AOPEP: variants seen among roughly 807,000 people sequenced by gnomAD.
AOPEP encodes the protein aminopeptidase O (putative).
In AOPEP, 77 loss-of-function variants were observed where a neutral mutation model predicts 98.1. The ratio of observed to expected loss-of-function variants is 0.78; its 90% CI spans 0.65 to 0.95. AOPEP has a LOEUF of 0.95. Among genes scored for constraint, AOPEP ranks in the 40% least tolerant of loss-of-function variants. AOPEP has a pLI of 0.00. For synonymous variants in AOPEP, 346 were observed against 365.3 expected (o/e 0.95, Z 0.60); for missense variants, 1,024 against 1,024.7 (o/e 1.00, Z 0.01).
intron 13 of AOPEP, among the ~76,000 whole-genome samples, chr9:95,013,949 C>G (rs566573497): frequency 1.3e-5 from 2 of 152,056 alleles, no homozygotes; most frequent in Admixed American, 1.3e-4. Context: ...GGTTACTTTT[C>G]CTGGTTGTCA....
At chr9:94,949,066 C>T (rs533404062) in intron 7 of AOPEP, among the ~76,000 whole-genome samples, 32 of 152,310 alleles carry the variant, frequency 2.1e-4, no homozygotes, top group African/African-American at 7.2e-4. Flanking sequence ...CTTGGCTCTC[C>T]GTTTTTCTCT....
rs553077859 is a variant in AOPEP, at chr9:95,043,758, G to A, written c.2116-16936G>A. 8.6e-4 allele frequency among the ~76,000 whole-genome samples: 131 copies of A among 152,148 alleles called. 2 individuals are homozygous for A. In the South Asian group the frequency reaches 0.024, roughly 28 times the overall value. On this transcript the variant is annotated intron_variant, in intron 13 of 16. Coordinates refer to ENST00000375315, the MANE Select transcript of AOPEP (RefSeq NM_001193329.3). ...GGGCACAGTGCAGCCTTAACCTTCC[G>A]GACTCAAGCAATCCTCCCACCTCAG...
chr9:94,791,984 G>A (rs1845831673), intron 3 of AOPEP, among the ~76,000 whole-genome samples: 1 of 152,248 alleles, frequency 6.6e-6, no homozygotes, highest in Non-Finnish European at 1.5e-5. Flanking sequence ...GGGGAGTATA[G>A]TGTTACAAAT....
chr9:95,136,589 T>G, the AOPEP span, among the ~76,000 whole-genome samples: 1 of 152,180 alleles, frequency 6.6e-6, no homozygotes, highest in African/African-American at 2.4e-5. Context: ...TAGGCTCATG[T>G]GATCCTCCTG....
chr9:94,763,127 G>A, intron 2 of AOPEP: 1 of 461,094 alleles, frequency 2.2e-6, no homozygotes, highest in Non-Finnish European at 4.5e-6. Flanking sequence ...CATTTTACAG[G>A]TAAGAAAATA....
Position 94,870,539 on chromosome 9 carries a change from A to T in AOPEP, c.1365-53447A>T, listed in dbSNP as rs76216131. 5.3e-3 allele frequency among the ~76,000 whole-genome samples: 810 copies of T among 152,256 alleles called. 5 individuals carry two copies. Among genetic ancestry groups the T allele is most frequent in the African/African-American group, 0.019 (784 of 41,540 alleles). ...TTCCCTCAAGGTCCCAGATTTGGTG[A>T]TGGGAAGGCTGGTATTTGAACCCAG... On this transcript the variant is annotated intron_variant, in intron 5 of 16. Coordinates refer to ENST00000375315, the MANE Select transcript of AOPEP (RefSeq NM_001193329.3).
At chr9:94,746,880 C>G (rs778218756) in intron 1 of AOPEP, among the ~76,000 whole-genome samples, 1 of 152,058 alleles carries the variant, frequency 6.6e-6, no homozygotes, top group Admixed American at 6.6e-5. Flanking sequence ...CCCCCTCCCC[C>G]CCACTTGACT....
intron 13 of AOPEP, among the ~76,000 whole-genome samples, chr9:95,043,958 A>G (rs1251043298): frequency 6.6e-6 from 1 of 152,230 alleles, no homozygotes. Flanking sequence ...TGGTGTATTA[A>G]GTGGCTTGAC....
At chr9:94,854,847 G>A (rs2043978523) in intron 5 of AOPEP, among the ~76,000 whole-genome samples, 1 of 152,074 alleles carries the variant, frequency 6.6e-6, no homozygotes, top group Non-Finnish European at 1.5e-5. Context: ...ATCTGACAGA[G>A]GCACCAAACG....
At chr9:95,124,897 G>A in the AOPEP span, among the ~76,000 whole-genome samples, 4 of 152,200 alleles carry the variant, frequency 2.6e-5, 1 homozygote, top group South Asian at 4.1e-4. Flanking sequence ...ATCAGGGCAC[G>A]GGGCAGACAG....
chr9:94,987,136 C>A (rs2132268940), intron 11 of AOPEP, among the ~76,000 whole-genome samples: 1 of 152,254 alleles, frequency 6.6e-6, no homozygotes, highest in East Asian at 1.9e-4. Context: ...GTGGATGATT[C>A]AAAGATGAGA....
chr9:94,824,439 G>A (rs949743817), intron 5 of AOPEP: 1 of 152,136 alleles, frequency 6.6e-6, no homozygotes, highest in African/African-American at 2.4e-5. Context: ...AAACACTACT[G>A]GGAATATTCT....
intron 5 of AOPEP, among the ~76,000 whole-genome samples, chr9:94,885,216 A>G (rs1417626986): frequency 6.6e-6 from 1 of 151,140 alleles, no homozygotes; most frequent in Non-Finnish European, 1.5e-5. Flanking sequence ...AGGCACAGTG[A>G]TGTGTACCTG....
intron 5 of AOPEP, among the ~76,000 whole-genome samples, chr9:94,828,501 A>G (rs983805584): frequency 5.3e-5 from 8 of 152,174 alleles, no homozygotes; most frequent in Admixed American, 3.3e-4. Flanking sequence ...AATGCCAGAC[A>G]TTGTGCTGGA....
intron 13 of AOPEP, among the ~76,000 whole-genome samples, chr9:95,051,436 C>T (rs565861282): frequency 2.6e-5 from 4 of 151,632 alleles, no homozygotes; most frequent in African/African-American, 4.8e-5. Flanking sequence ...AACCCTTAAT[C>T]GTTAATAGTA....
At chr9:95,077,254 G>A (rs1230464951) in intron 14 of AOPEP, among the ~76,000 whole-genome samples, 1 of 152,218 alleles carries the variant, frequency 6.6e-6, no homozygotes, top group Non-Finnish European at 1.5e-5. Flanking sequence ...GGGAGCCTGG[G>A]CCAGCCTCCA....
intron 7 of AOPEP, among the ~76,000 whole-genome samples, chr9:94,946,222 A>G (rs1380540263): frequency 1.3e-5 from 2 of 152,248 alleles, no homozygotes; most frequent in Non-Finnish European, 2.9e-5. Context: ...AGCAAGGCCA[A>G]AGCTATGTAG....
chr9:95,029,077 G>A (rs1326974730), intron 13 of AOPEP, among the ~76,000 whole-genome samples: 1 of 152,186 alleles, frequency 6.6e-6, no homozygotes, highest in African/African-American at 2.4e-5. Flanking sequence ...GTCCTCGTTT[G>A]CTGAAAACTG....
chr9:95,048,132 T>C (rs536155148), intron 13 of AOPEP, among the ~76,000 whole-genome samples: 37 of 152,218 alleles, frequency 2.4e-4, no homozygotes, highest in African/African-American at 8.7e-4. Context: ...TGGTAAGTTT[T>C]TTTTTTTTTC....
Sources: gnomAD v4.1 joint callset for allele counts (sites outside exome capture counted in the v4.1 genomes callset) on GRCh38, gnomAD v4.1.1 for gene constraint, MANE v1.5 for transcripts, NCBI Gene and HGNC (gene_info 2026-07-23, HGNC 2026-07-21) for gene names.